The following IFT57 variants were observed in gnomAD, a reference collection of about 807,000 sequenced individuals.
IFT57 encodes the protein intraflagellar transport 57.
Under a neutral mutation model 56.8 loss-of-function variants are expected in IFT57, and 59 were observed. That is an observed-to-expected ratio of 1.04 (90% CI 0.84 to 1.29). The LOEUF (loss-of-function observed/expected upper bound fraction) is 1.29, where lower values mean the gene tolerates loss of function less well. IFT57 is among the 50% of genes most tolerant of loss of function. IFT57 has a pLI of 0.00. For synonymous variants in IFT57, 209 were observed against 186.1 expected (o/e 1.12, Z -1.00); for missense variants, 470 against 522.1 (o/e 0.90, Z 0.97).
At chr3:108,172,719 T>C (rs566634731) in intron 6 of IFT57, among the ~76,000 whole-genome samples, 14 of 151,806 alleles carry the variant, frequency 9.2e-5, no homozygotes, top group African/African-American at 3.1e-4. Flanking sequence ...GAAGTGAAGG[T>C]GGGGTAGTAG....
At chr3:108,215,289 T>A (rs2080365489) in intron 3 of IFT57, among the ~76,000 whole-genome samples, 1 of 152,122 alleles carries the variant, frequency 6.6e-6, no homozygotes, top group South Asian at 2.1e-4. Flanking sequence ...TGGCTGGGTG[T>A]GATGGCTCAC....
intron 3 of IFT57, among the ~76,000 whole-genome samples, chr3:108,217,744 T>C (rs1442814668): frequency 2.0e-5 from 3 of 150,942 alleles, no homozygotes; most frequent in Non-Finnish European, 4.4e-5. Flanking sequence ...AAAAAAACAC[T>C]GCTTACTCGC....
chr3:108,219,491 C>T lies in IFT57; in HGVS notation c.294G>A (p.Ala98=), dbSNP rs201724869. The T allele has an allele frequency of 2.2e-5, 35 of 1,613,512 alleles. No individual in the cohort carries two copies. Among genetic ancestry groups the T allele is most frequent in the South Asian group, 2.1e-4 (19 of 91,068 alleles). Residue 98 remains alanine (A), a synonymous_variant, in exon 2 of 11, where the codon GCG becomes GCA. Coordinates refer to ENST00000264538, the MANE Select transcript of IFT57 (RefSeq NM_018010.4). ...CTLAAWLINK[A]GRPFEQPQEY... The stretch of plus-strand genomic sequence containing the variant: ...CTTGAGGCTGCTCAAAGGGACGTCC[C>T]GCTTTATTAATCAACCAAGCAGCAA...
chr3:108,211,803 T>G (rs879605025), intron 4 of IFT57, among the ~76,000 whole-genome samples: 1 of 152,188 alleles, frequency 6.6e-6, no homozygotes, highest in African/African-American at 2.4e-5. Context: ...ATACAAAGCA[T>G]AGAAAACAAT....
intron 4 of IFT57, among the ~76,000 whole-genome samples, chr3:108,210,514 G>A (rs1222762139): frequency 6.6e-6 from 1 of 151,504 alleles, no homozygotes; most frequent in East Asian, 1.9e-4. Context: ...TTGTATTTTT[G>A]TAGAGATGGG....
chr3:108,167,894 T>C lies in IFT57; in HGVS notation c.778-30A>G, dbSNP rs775946419. On this transcript the variant is annotated intron_variant, in intron 6 of 10. Transcript: ENST00000264538. Reference sequence around the variant, plus strand: ...AGGCATAGAGCACATAGAAATAATGTAAAAAATACTACATTTCCATCTTTC... The same window carrying C: ...AGGCATAGAGCACATAGAAATAATGCAAAAAATACTACATTTCCATCTTTC... 3.3e-5 allele frequency: 48 copies of C among 1,461,174 alleles called. No individual in the cohort carries two copies. In the South Asian group the frequency reaches 5.2e-4, roughly 16 times the overall value. The allele number at this position is 1,461,174 out of a possible 1,614,324, so 90.5% of individuals were successfully genotyped here. A position where few individuals can be genotyped will look rare whatever the true frequency, so the allele number is the denominator to read the frequency against.
At chr3:108,172,477 T>G (rs1231046481) in intron 6 of IFT57, among the ~76,000 whole-genome samples, 1 of 151,832 alleles carries the variant, frequency 6.6e-6, no homozygotes, top group Non-Finnish European at 1.5e-5. Flanking sequence ...TAAAGATAAG[T>G]GTATGTTTTG....
intron 6 of IFT57, among the ~76,000 whole-genome samples, chr3:108,182,393 T>C (rs889647496): frequency 9.9e-5 from 15 of 152,092 alleles, no homozygotes; most frequent in Admixed American, 9.2e-4. Context: ...CTGTGGTCCC[T>C]CCAGGTTCAT....
At chr3:108,205,687 A>T (rs2080305315) in intron 5 of IFT57, among the ~76,000 whole-genome samples, 2 of 148,660 alleles carry the variant, frequency 1.3e-5, no homozygotes, top group Admixed American at 1.4e-4. Context: ...AAGGACTAAT[A>T]GAGCATTACT....
rs1011658230 is a variant in IFT57 at position 108,163,285 on chromosome 3, G to A, written c.1111+378C>T. On this transcript the variant is annotated intron_variant, in intron 10 of 10. Transcript: ENST00000264538. ...ATAAACTACGGGTTATCACATCACT[G>A]CCTTAGTGTCATTTGGGCATATACT... Among the ~76,000 whole-genome samples, 5 of 152,168 alleles carry A rather than the reference G, an allele frequency of 3.3e-5. 1 individual carries two copies. Among genetic ancestry groups the A allele is most frequent in the Admixed American group, 3.3e-4 (5 of 15,260 alleles).
At chr3:108,174,002 G>A (rs867193664) in intron 6 of IFT57, among the ~76,000 whole-genome samples, 2,452 of 138,784 alleles carry the variant, frequency 0.018, 58 homozygotes, top group Middle Eastern at 0.023. Flanking sequence ...ATTTGAGTGT[G>A]TGTGTGTGTG....
chr3:108,186,794 T>C (rs2080185967), intron 6 of IFT57, among the ~76,000 whole-genome samples: 1 of 152,064 alleles, frequency 6.6e-6, no homozygotes, highest in South Asian at 2.1e-4. Flanking sequence ...TCCCTCCTCC[T>C]TCCTCAGCCT....
chr3:108,164,252 T>C (rs542986849), intron 9 of IFT57, among the ~76,000 whole-genome samples: 42 of 152,166 alleles, frequency 2.8e-4, no homozygotes, highest in African/African-American at 8.9e-4. Context: ...ATCCAAATCA[T>C]GAACTCCGAA....
intron 6 of IFT57, among the ~76,000 whole-genome samples, chr3:108,189,369 T>C (rs1173951618): frequency 6.6e-6 from 1 of 152,208 alleles, no homozygotes; most frequent in Non-Finnish European, 1.5e-5. Context: ...ACTTCCTACC[T>C]GCTCTGAGAC....
intron 5 of IFT57, among the ~76,000 whole-genome samples, chr3:108,195,224 G>T (rs529423228): frequency 1.3e-5 from 2 of 152,160 alleles, no homozygotes; most frequent in South Asian, 4.1e-4. Context: ...ACGAAAAAAT[G>T]ATCACTAATC....
intron 6 of IFT57, among the ~76,000 whole-genome samples, chr3:108,191,058 TG>T (rs1271650749): frequency 6.6e-6 from 1 of 152,194 alleles, no homozygotes; most frequent in Non-Finnish European, 1.5e-5. Context: ...CCCAAAGCGT[TG>T]GGATTACAAA....
At chr3:108,212,594 T>C (rs578164533) in intron 4 of IFT57, among the ~76,000 whole-genome samples, 124 of 125,762 alleles carry the variant, frequency 9.9e-4, no homozygotes, top group Non-Finnish European at 2.1e-3. Flanking sequence ...CTTTTCTTTA[T>C]AACTTACCCA....
intron 6 of IFT57, among the ~76,000 whole-genome samples, chr3:108,189,173 T>G (rs942826772): frequency 3.3e-5 from 5 of 152,236 alleles, no homozygotes; most frequent in African/African-American, 1.2e-4. Context: ...TTTTTAGATA[T>G]GAGAGCTATA....
chr3:108,172,358 C>T (rs1260646048), intron 6 of IFT57, among the ~76,000 whole-genome samples: 2 of 151,732 alleles, frequency 1.3e-5, no homozygotes, highest in Non-Finnish European at 2.9e-5. Context: ...GAAAATAAAG[C>T]TGGAGAGAGA....
Sources: gnomAD v4.1 joint callset for allele counts (sites outside exome capture counted in the v4.1 genomes callset) on GRCh38, gnomAD v4.1.1 for gene constraint, MANE v1.5 for transcripts, NCBI Gene and HGNC (gene_info 2026-07-23, HGNC 2026-07-21) for gene names.